COLEC12: variants seen among roughly 807,000 people sequenced by gnomAD.
COLEC12 encodes collectin subfamily member 12.
A neutral mutation model predicts 71.1 loss-of-function variants in COLEC12; 33 were observed. That is an observed-to-expected ratio of 0.46 (90% CI 0.35 to 0.62). COLEC12 has a LOEUF of 0.62. Ranked by LOEUF, COLEC12 falls within the 20% of genes least tolerant of loss-of-function variation. The pLI, the probability that COLEC12 is intolerant of heterozygous loss-of-function variation, is 0.00. For missense variants in COLEC12, 765 were observed against 916.1 expected (o/e 0.84, Z 2.13); for synonymous variants, 350 against 353.0 (o/e 0.99, Z 0.10).
In COLEC12 at chr18:500,352, C is replaced by T. The variant is rs556232139; in HGVS notation, c.7+156G>A. On this transcript the variant is annotated intron_variant, in intron 1 of 9. Coordinates refer to ENST00000400256, the MANE Select transcript of COLEC12 (RefSeq NM_130386.3). This position sits in a 1 kb window ranked among gnomAD's most constrained non-coding sequence, Gnocchi z 5.3. ...CCTGACCCGGGAGCCGGGTGCGCCC[C>T]CAGTGTCCGCGCACGAACCCGGCGC... Among the ~76,000 whole-genome samples the T allele has an allele frequency of 1.3e-5, 2 of 152,102 alleles. No individual in the cohort carries two copies. Among genetic ancestry groups the T allele is most frequent in the African/African-American group, 4.8e-5 (2 of 41,540 alleles).
chr18:418,449 G>A (rs978543087), intron 2 of COLEC12, among the ~76,000 whole-genome samples: 18 of 152,190 alleles, frequency 1.2e-4, no homozygotes, highest in African/African-American at 4.3e-4. Context: ...TCAGAGGCAT[G>A]TGAACCAGAA....
At chr18:372,112 C>A (rs947855562) in intron 2 of COLEC12, among the ~76,000 whole-genome samples, 3 of 152,160 alleles carry the variant, frequency 2.0e-5, no homozygotes, top group African/African-American at 7.2e-5. Flanking sequence ...CCCGCCTATC[C>A]CACCTCCCCC....
chr18:340,654 G>A (rs1394485827), intron 5 of COLEC12, among the ~76,000 whole-genome samples: 1 of 152,230 alleles, frequency 6.6e-6, no homozygotes, highest in Admixed American at 6.5e-5. Flanking sequence ...AAATCTTAGA[G>A]ACTCAATGTT....
At chr18:457,212 T>C (rs2143726223) in intron 2 of COLEC12, among the ~76,000 whole-genome samples, 1 of 152,210 alleles carries the variant, frequency 6.6e-6, no homozygotes, top group East Asian at 1.9e-4. Context: ...TGACTGGGAT[T>C]ATGGACGCGA....
intron 2 of COLEC12, among the ~76,000 whole-genome samples, chr18:478,569 C>T (rs578037009): frequency 2.0e-5 from 3 of 152,310 alleles, no homozygotes; most frequent in Admixed American, 2.0e-4. Context: ...GCTACGATTG[C>T]ACCACTGCAC....
Position 346,612 on chromosome 18 carries a change from T to A in COLEC12, c.1010A>T (p.Gln337Leu). The change falls in exon 5 of 10, where the codon CAG becomes CTG. Residue 337 changes from glutamine (Q) to leucine (L), a missense_variant. Physicochemically the swap from Gln to Leu is moderately radical, Grantham distance 113. Coordinates refer to ENST00000400256, the MANE Select transcript of COLEC12 (RefSeq NM_130386.3). This position sits in a 1 kb window ranked among gnomAD's most constrained non-coding sequence, Gnocchi z 4.0. The stretch of plus-strand genomic sequence containing the variant: ...GTTCACAATATCCGTCTCAAAGAGC[T>A]GGAAGCGTTCCTCCAGTTGGTTGAA... Reference protein sequence around the residue: ...IKFNQLEERFQLFETDIVNII... With the variant: ...IKFNQLEERFLLFETDIVNII... 3 of 1,614,234 alleles carry A rather than the reference T, an allele frequency of 1.9e-6. No homozygotes were observed. Among genetic ancestry groups the A allele is most frequent in the Non-Finnish European group, 2.5e-6 (3 of 1,180,028 alleles).
chr18:337,723 C>T (rs972695448), intron 5 of COLEC12, among the ~76,000 whole-genome samples: 3 of 152,290 alleles, frequency 2.0e-5, no homozygotes, highest in African/African-American at 7.2e-5. Flanking sequence ...TATTTGCACC[C>T]GCTAGTGAAG....
In COLEC12 at chr18:362,500, A is replaced by C. The variant is rs1348232262; in HGVS notation, c.59-4978T>G. ...ATGGTTACAAAATAACATTCAAGAG[A>C]GATATCCCCCTGTTACCAGCCTTTG... On this transcript the variant is annotated intron_variant, in intron 2 of 9. Transcript: ENST00000400256. The surrounding 1 kb of genome is among the most constrained non-coding windows in gnomAD (Gnocchi z 4.6). Among the ~76,000 whole-genome samples, 8 of 151,904 alleles carry C rather than the reference A, an allele frequency of 5.3e-5. No homozygotes were observed. Among genetic ancestry groups the C allele is most frequent in the African/African-American group, 1.7e-4 (7 of 41,440 alleles).
chr18:416,852 A>C (rs1915995121), intron 2 of COLEC12, among the ~76,000 whole-genome samples: 1 of 94,792 alleles, frequency 1.1e-5, no homozygotes, highest in Non-Finnish European at 2.0e-5. Context: ...TGGCAAGCTA[A>C]CAGGTGGGGG....
At chr18:462,181 G>A (rs964215753) in intron 2 of COLEC12, among the ~76,000 whole-genome samples, 20 of 152,212 alleles carry the variant, frequency 1.3e-4, no homozygotes, top group Middle Eastern at 3.4e-3. Context: ...CAGCAATTCC[G>A]CTCCTAGGTA....
At chr18:329,543 G>A (rs1913922712) in intron 8 of COLEC12, among the ~76,000 whole-genome samples, 2 of 152,174 alleles carry the variant, frequency 1.3e-5, no homozygotes, top group African/African-American at 2.4e-5. Flanking sequence ...GTCTCCTAAA[G>A]TGTGTCCCTG....
At chr18:444,111 C>T (rs1916599888) in intron 2 of COLEC12, among the ~76,000 whole-genome samples, 1 of 152,118 alleles carries the variant, frequency 6.6e-6, no homozygotes, top group Non-Finnish European at 1.5e-5. Context: ...TTCTTTACAG[C>T]AATGCAAGAA....
In COLEC12 at chr18:408,521, T is replaced by C. The variant is rs1282678693; in HGVS notation, c.59-50999A>G. On this transcript the variant is annotated intron_variant, in intron 2 of 9. Coordinates refer to ENST00000400256, the MANE Select transcript of COLEC12 (RefSeq NM_130386.3). This position sits in a 1 kb window ranked among gnomAD's most constrained non-coding sequence, Gnocchi z 4.3. ...GTCAGATTTTGAACTTGGAAAGGAA[T>C]GAAGGCAAGATTAAGCTTGAATTAT... 6.6e-6 allele frequency among the ~76,000 whole-genome samples: 1 copy of C among 151,594 alleles called. No individual in the cohort carries two copies. Among genetic ancestry groups the C allele is most frequent in the Non-Finnish European group, 1.5e-5 (1 of 67,962 alleles).
rs560986465 is a variant in COLEC12, at chr18:362,335, ACTT to A, written c.59-4816_59-4814del. Among the ~76,000 whole-genome samples, 95 of 152,026 alleles carry A rather than the reference ACTT, an allele frequency of 6.2e-4. No individual in the cohort carries two copies. Among genetic ancestry groups the A allele is most frequent in the African/African-American group, 1.7e-3 (69 of 41,446 alleles). ...TCTGTCTTGTTTTCCCCCTCCCCTG[ACTT>A]CTTTTTAATAAGAATTCTGTTTTAT... On this transcript the variant is annotated intron_variant, in intron 2 of 9. Transcript: ENST00000400256. The surrounding 1 kb of genome is among the most constrained non-coding windows in gnomAD (Gnocchi z 4.6).
intron 6 of COLEC12, 143 bp downstream of exon 6, chr18:334,599 G>A: frequency 1.5e-6 from 1 of 645,288 alleles, no homozygotes; most frequent in Non-Finnish European, 2.3e-6. Flanking sequence ...CTGCACTCCA[G>A]CCTGGGCAAC....
chr18:322,226 T>A (rs10853288), intron 8 of COLEC12, among the ~76,000 whole-genome samples: 31,839 of 151,712 alleles, frequency 0.21, 3,484 homozygotes, highest in Admixed American at 0.29. Context: ...GCACACATGA[T>A]CTTGTGAGAA....
intron 2 of COLEC12, among the ~76,000 whole-genome samples, chr18:450,428 G>A (rs1319067241): frequency 2.0e-5 from 3 of 152,126 alleles, no homozygotes; most frequent in African/African-American, 7.2e-5. Flanking sequence ...AGATCTGGTG[G>A]TTTACAAGTG....
chr18:500,599 C>A lies in COLEC12; in HGVS notation c.-85G>T. The A allele has an allele frequency of 8.9e-7, 1 of 1,121,580 alleles. No homozygotes were observed. The highest frequency in any genetic ancestry group is 1.1e-6 in the Non-Finnish European group (1 of 897,298). The allele number at this position is 1,121,580 out of a possible 1,614,324, so 69.5% of individuals were successfully genotyped here. On this transcript the variant is annotated 5_prime_UTR_variant, in exon 1 of 10. Coordinates refer to ENST00000400256, the MANE Select transcript of COLEC12 (RefSeq NM_130386.3). This position sits in a 1 kb window ranked among gnomAD's most constrained non-coding sequence, Gnocchi z 5.3. ...GAAGTCGTCCCGAGCGGCTGCTCACCGCACGCCCATGGTAGCCGCGCCGCG... is the reference window on the plus strand; with the variant it reads ...GAAGTCGTCCCGAGCGGCTGCTCACAGCACGCCCATGGTAGCCGCGCCGCG...
chr18:362,587 G>C lies in COLEC12; in HGVS notation c.59-5065C>G, dbSNP rs921389683. Reference sequence around the variant, plus strand: ...GGGGACTTTGTTCCCATGGCGGGGTGGGGGTGGGCAGGGAAGGAAGGGCTG... The same window carrying C: ...GGGGACTTTGTTCCCATGGCGGGGTCGGGGTGGGCAGGGAAGGAAGGGCTG... On this transcript the variant is annotated intron_variant, in intron 2 of 9. Coordinates refer to ENST00000400256, the MANE Select transcript of COLEC12 (RefSeq NM_130386.3). The surrounding 1 kb of genome is among the most constrained non-coding windows in gnomAD (Gnocchi z 4.6). Among the ~76,000 whole-genome samples the C allele has an allele frequency of 6.6e-6, 1 of 152,108 alleles. No homozygotes were observed. Among genetic ancestry groups the C allele is most frequent in the Non-Finnish European group, 1.5e-5 (1 of 68,036 alleles).
Sources: allele counts gnomAD v4.1 joint callset (sites outside exome capture counted in the v4.1 genomes callset), GRCh38; gene constraint gnomAD v4.1.1; non-coding constraint Gnocchi (gnomAD v3.1); transcripts MANE v1.5; gene names NCBI Gene and HGNC (gene_info 2026-07-23, HGNC 2026-07-21).